The following SEMA3D variants were observed in gnomAD, a reference collection of about 807,000 sequenced individuals.
SEMA3D encodes semaphorin 3D.
SEMA3D carries 84 observed loss-of-function variants against 100.1 expected under a neutral mutation model. The ratio of observed to expected loss-of-function variants is 0.84; its 90% CI spans 0.70 to 1.01. The LOEUF is 1.01. SEMA3D is among the 50% of genes least tolerant of loss of function. The probability of loss-of-function intolerance (pLI) is 0.00; values close to 1 mark genes in which losing one functional copy is unlikely to be tolerated. For synonymous variants in SEMA3D, 312 were observed against 320.7 expected, an observed-to-expected ratio of 0.97 and a Z score of 0.29; for missense variants, 875 against 934.1, an observed-to-expected ratio of 0.94 and a Z score of 0.82.
intron 3 of SEMA3D, among the ~76,000 whole-genome samples, chr7:85,103,663 C>G (rs997668499): frequency 1.3e-5 from 2 of 152,012 alleles, no homozygotes; most frequent in Non-Finnish European, 2.9e-5. Context: ...GCAGTGCATT[C>G]TCCTATTACC....
At chr7:85,016,887 T>C (rs1330058641) in intron 15 of SEMA3D, among the ~76,000 whole-genome samples, 1 of 150,904 alleles carries the variant, frequency 6.6e-6, no homozygotes, top group Non-Finnish European at 1.5e-5. Context: ...CCTGAGTAGC[T>C]GCACTACAGG....
At chr7:85,187,077 G>T (rs1791579046), upstream of SEMA3D, among the ~76,000 whole-genome samples, 1 of 152,120 alleles carries the variant, frequency 6.6e-6, no homozygotes, top group East Asian at 1.9e-4. Context: ...TGCTGAAAAC[G>T]CCGGGGATTA....
intron 2 of SEMA3D, among the ~76,000 whole-genome samples, 185 bp from the exon 3 acceptor site, chr7:85,122,116 T>TA (rs1279526725): frequency 6.6e-6 from 1 of 151,470 alleles, no homozygotes; most frequent in East Asian, 1.9e-4. Flanking sequence ...GGGAGAGCAT[T>TA]AGGAGAAATA....
At chr7:85,196,371 TGGA>T in the SEMA3D span, among the ~76,000 whole-genome samples, 1 of 151,474 alleles carries the variant, frequency 6.6e-6, no homozygotes, top group Non-Finnish European at 1.5e-5. Flanking sequence ...CAAACAAACA[TGGA>T]AGAATATCTT....
chr7:85,168,203 C>G (rs1562842771), intron 1 of SEMA3D, among the ~76,000 whole-genome samples: 1 of 151,746 alleles, frequency 6.6e-6, no homozygotes, highest in African/African-American at 2.4e-5. Context: ...ACCTACAGAG[C>G]CTACCCATTG....
rs548248874 is a variant in SEMA3D, at chr7:85,165,180, C to T, written c.-172-11441G>A. On this transcript the variant is annotated intron_variant, in intron 1 of 18. Transcript: ENST00000284136. ...TGTATACATGTGTAACGAACCTGCA[C>T]GTTGTGCACATGTACCCTAAAACTT... Among the ~76,000 whole-genome samples, 6 of 151,152 alleles carry T rather than the reference C, an allele frequency of 4.0e-5. No homozygotes were observed. The East Asian group carries it at 7.9e-4, about 20-fold the overall frequency.
chr7:85,116,342 G>A (rs867404745), intron 3 of SEMA3D, among the ~76,000 whole-genome samples: 1 of 141,726 alleles, frequency 7.1e-6, no homozygotes, highest in African/African-American at 2.6e-5. Flanking sequence ...ATATATTTAT[G>A]TATATTTATA....
At chr7:85,185,863 G>T (rs1171190054) in intron 1 of SEMA3D, among the ~76,000 whole-genome samples, 4 of 152,140 alleles carry the variant, frequency 2.6e-5, no homozygotes, top group African/African-American at 7.2e-5. Flanking sequence ...CCTGGGGACC[G>T]CACTCCTGGT....
At position 85,125,278 on chromosome 7, in the gene SEMA3D, G is replaced by A. The variant is rs528048738; in HGVS notation, c.-40-3347C>T. Among the ~76,000 whole-genome samples the A allele has an allele frequency of 2.6e-5, 4 of 152,146 alleles. No individual in the cohort carries two copies. The East Asian group carries it at 5.8e-4, about 22-fold the overall frequency. On this transcript the variant is annotated intron_variant, in intron 2 of 18. Transcript: ENST00000284136. Reference sequence around the variant, plus strand: ...TATTAGCAATAATGACCTCAGTGCAGGACATTTCCTGGGAATTAATGACTA... The same window carrying A: ...TATTAGCAATAATGACCTCAGTGCAAGACATTTCCTGGGAATTAATGACTA...
At chr7:85,003,732 A>G (rs1789718051) in intron 18 of SEMA3D, among the ~76,000 whole-genome samples, 1 of 152,120 alleles carries the variant, frequency 6.6e-6, no homozygotes, top group South Asian at 2.1e-4. Context: ...AATACAACCG[A>G]AGCCAACAAC....
At chr7:85,050,731 T>A in intron 9 of SEMA3D, 1 of 525,542 alleles carries the variant, frequency 1.9e-6, no homozygotes, top group Non-Finnish European at 3.4e-6. Flanking sequence ...ATAAGATCAA[T>A]CTTCAAAGCA....
the SEMA3D span, among the ~76,000 whole-genome samples, chr7:85,222,796 C>T: frequency 2.6e-5 from 4 of 152,080 alleles, no homozygotes; most frequent in African/African-American, 9.7e-5. Flanking sequence ...GCTGTCTCCA[C>T]CATGCTATTT....
chr7:85,010,856 T>A (rs1486187184), intron 17 of SEMA3D, among the ~76,000 whole-genome samples: 1 of 151,610 alleles, frequency 6.6e-6, no homozygotes, highest in African/African-American at 2.4e-5. Context: ...CTGATAGTGT[T>A]GAAATAGACA....
the SEMA3D span, among the ~76,000 whole-genome samples, chr7:85,219,359 A>G: frequency 6.6e-6 from 1 of 152,118 alleles, no homozygotes; most frequent in African/African-American, 2.4e-5. Flanking sequence ...TATTACAGCT[A>G]TAAGTGAACA....
the SEMA3D span, among the ~76,000 whole-genome samples, chr7:85,236,476 T>G: frequency 7.6e-4 from 115 of 151,670 alleles, no homozygotes; most frequent in African/African-American, 2.5e-3. Context: ...CCCAGCTAAT[T>G]TTTGTATTTT....
rs59846257 is a variant in SEMA3D, at chr7:85,039,659, A to C, written c.1046+1014T>G. Among the ~76,000 whole-genome samples the C allele has an allele frequency of 1.9e-3, 290 of 152,292 alleles. 1 individual carries two copies. Among genetic ancestry groups the C allele is most frequent in the African/African-American group, 6.5e-3 (270 of 41,582 alleles). ...AGAAATACAGGAGTAGAAAACATGA[A>C]ATTGTCTTCACTTTCAGTTTTATTT... On this transcript the variant is annotated intron_variant, in intron 11 of 18. Transcript: ENST00000284136.
intron 1 of SEMA3D, among the ~76,000 whole-genome samples, chr7:85,165,901 A>T (rs1790891325): frequency 6.6e-6 from 1 of 152,204 alleles, no homozygotes; most frequent in East Asian, 1.9e-4. Flanking sequence ...TTCAGAGAAG[A>T]TGCTAAAAAC....
In SEMA3D at chr7:85,121,940, G is replaced by T; in HGVS notation, c.-40-9C>A. 4.0e-6 allele frequency: 5 copies of T among 1,246,484 alleles called. No individual in the cohort carries two copies. The highest frequency in any genetic ancestry group is 1.8e-5 in the South Asian group (1 of 55,412). The allele number at this position is 1,246,484 out of a possible 1,614,324, so 77.2% of individuals were successfully genotyped here. On this transcript the variant is annotated splice_polypyrimidine_tract_variant and intron_variant, in intron 2 of 18. Transcript: ENST00000284136. ...AATGGTGTTAATTTAATCTAAAAAA[G>T]AGTAAAAAAAAAAAAACTATTAAGG... is the stretch of plus-strand genomic sequence containing the variant.
chr7:85,146,222 A>G (rs1790201047), intron 2 of SEMA3D, among the ~76,000 whole-genome samples: 1 of 152,172 alleles, frequency 6.6e-6, no homozygotes, highest in African/African-American at 2.4e-5. Flanking sequence ...ACATATATGT[A>G]TTTTTACACA....
Sources: allele counts gnomAD v4.1 joint callset (sites outside exome capture counted in the v4.1 genomes callset), GRCh38; gene constraint gnomAD v4.1.1; transcripts MANE v1.5; gene names NCBI Gene and HGNC (gene_info 2026-07-23, HGNC 2026-07-21).